PRDM16: variants seen among roughly 807,000 people sequenced by gnomAD.
The protein encoded by PRDM16 is PR/SET domain 16, also known as histone-lysine N-methyltransferase PRDM16.
In PRDM16, 23 loss-of-function variants were observed where a neutral mutation model predicts 110.6. The observed-to-expected ratio is 0.21, with a 90% CI of 0.15 to 0.29. PRDM16 has a LOEUF of 0.29. PRDM16 is among the 10% of genes least tolerant of loss of function. PRDM16 has a pLI of 1.00. For synonymous variants in PRDM16, 799 were observed against 781.8 expected (o/e 1.02, Z -0.37); for missense variants, 1,615 against 1,794.3 (o/e 0.90, Z 1.81).
chr1:3,149,001 C>T (rs1216419796), intron 1 of PRDM16, among the ~76,000 whole-genome samples: 1 of 152,190 alleles, frequency 6.6e-6, no homozygotes, highest in Non-Finnish European at 1.5e-5. Flanking sequence ...CCCAGGGGCC[C>T]TCCGGCTTTG....
intron 8 of PRDM16, among the ~76,000 whole-genome samples, chr1:3,406,150 TA>T (rs1643558326): frequency 1.3e-5 from 2 of 152,240 alleles, no homozygotes; most frequent in South Asian, 4.1e-4. Flanking sequence ...CAGCCCTGAA[TA>T]AAAGACCAGC....
At chr1:3,220,051 C>G (rs943510702) in intron 2 of PRDM16, among the ~76,000 whole-genome samples, 10 of 152,314 alleles carry the variant, frequency 6.6e-5, no homozygotes, top group African/African-American at 2.4e-4. Flanking sequence ...AGTAAAAGCC[C>G]CCGAGTGGGC....
At chr1:3,225,569 T>C (rs556468558) in intron 2 of PRDM16, among the ~76,000 whole-genome samples, 5,625 of 121,702 alleles carry the variant, frequency 0.046, 326 homozygotes, top group African/African-American at 0.18. Context: ...TGTGTGTGTG[T>C]GTGTGCGCGC....
intron 8 of PRDM16, among the ~76,000 whole-genome samples, chr1:3,408,975 G>A: frequency 6.6e-6 from 1 of 151,224 alleles, no homozygotes; most frequent in Non-Finnish European, 1.5e-5. Context: ...GCATGTGTTG[G>A]CACGTGTGAG....
rs372578303 is a variant in PRDM16 at position 3,412,015 on chromosome 1, C to T, written c.1818C>T (p.Asp606=). ...SDMSDGSDFE[D]VNTTTGTDLD... ...TGTCGGACGGCAGTGACTTTGAGGA[C>T]GTCAACACCACCACGGGGACCGACC... is the stretch of plus-strand genomic sequence containing the variant. The change falls in exon 9 of 17, where the codon GAC becomes GAT. Residue 606 remains aspartate (D), a synonymous_variant. Coordinates refer to ENST00000270722, the MANE Select transcript of PRDM16 (RefSeq NM_022114.4). 18 of 1,613,452 alleles carry T rather than the reference C, an allele frequency of 1.1e-5. No individual in the cohort carries two copies. Among genetic ancestry groups the T allele is most frequent in the Admixed American group, 3.3e-5 (2 of 60,002 alleles).
At position 3,244,852 on chromosome 1, in the gene PRDM16, ACTC is replaced by A. The variant is rs1160615029; in HGVS notation, c.438+719_438+721del. On this transcript the variant is annotated intron_variant, in intron 3 of 16. Transcript: ENST00000270722. The surrounding 1 kb of genome is among the most constrained non-coding windows in gnomAD (Gnocchi z 4.1). ...ACCTAGAACCTGTTCAGCAGCCAGAACTCCTCTTCGACGGGATATGCATTGCCT... is the reference window on the plus strand; with the variant it reads ...ACCTAGAACCTGTTCAGCAGCCAGAACTCTTCGACGGGATATGCATTGCCT... 3.3e-5 allele frequency among the ~76,000 whole-genome samples: 5 copies of A among 151,830 alleles called. No homozygotes were observed. The South Asian group carries it at 1.0e-3, about 32-fold the overall frequency.
At chr1:3,388,396 G>A (rs1036033410) in intron 4 of PRDM16, among the ~76,000 whole-genome samples, 1 of 152,094 alleles carries the variant, frequency 6.6e-6, no homozygotes, top group Non-Finnish European at 1.5e-5. Flanking sequence ...CTGAACATCC[G>A]AGCTCCGTAA....
Position 3,414,616 on chromosome 1 carries a change from T to C in PRDM16, c.2660T>C (p.Leu887Pro), listed in dbSNP as rs202115331. 1.2e-6 allele frequency: 2 copies of C among 1,613,358 alleles called. No homozygotes were observed. The highest frequency in any genetic ancestry group is 3.3e-4 in the Middle Eastern group (2 of 6,058). The change falls in exon 10 of 17, where the codon CTG becomes CCG. Residue 887 changes from leucine to proline, a missense_variant. Around this residue, in one of 5 missense-constraint regions of PRDM16, gnomAD observed 772 missense variants for 748.3 expected, o/e 1.03. Coordinates refer to ENST00000270722, the MANE Select transcript of PRDM16 (RefSeq NM_022114.4). ...GTGGGAGCCCTGAAGGAGAAGTACC[T>C]GCGGCCGTCCCCGCTGCTCTTCCAC... ...DPVGALKEKYLRPSPLLFHPQ... is the reference protein window; with the variant it reads ...DPVGALKEKYPRPSPLLFHPQ...
chr1:3,414,510 G>T (rs751821872), intron 9 of PRDM16, 50 bp from the exon 10 acceptor site: 3 of 1,444,992 alleles, frequency 2.1e-6, no homozygotes, highest in Non-Finnish European at 2.9e-6. Context: ...GGGTGGCTCG[G>T]CGGGGCGGGC....
At chr1:3,188,348 A>G (rs1052983401) in intron 2 of PRDM16, among the ~76,000 whole-genome samples, 3 of 151,498 alleles carry the variant, frequency 2.0e-5, no homozygotes, top group African/African-American at 7.3e-5. Flanking sequence ...GTTCTTGTCT[A>G]CTCTGATACA....
intron 3 of PRDM16, among the ~76,000 whole-genome samples, chr1:3,347,831 G>A (rs1642393098): frequency 1.3e-5 from 2 of 152,342 alleles, no homozygotes; most frequent in East Asian, 1.9e-4. Flanking sequence ...AACAGGAAGG[G>A]CAGCCACCTG....
chr1:3,222,741 C>A (rs891775626), intron 2 of PRDM16, among the ~76,000 whole-genome samples: 4 of 152,252 alleles, frequency 2.6e-5, no homozygotes, highest in Admixed American at 2.6e-4. Flanking sequence ...GGGCGAGGAC[C>A]AGCATCCCCA....
rs550092737 is a variant in PRDM16 at position 3,385,013 on chromosome 1, G to A, written c.439-139G>A. ...TGGGCTGGGAGCCCCGCTGATGCCC[G>A]GAGGGTGGGCTGAGGTCTGGACGCC... On this transcript the variant is annotated intron_variant, in intron 3 of 16. Coordinates refer to ENST00000270722, the MANE Select transcript of PRDM16 (RefSeq NM_022114.4). 3.2e-5 allele frequency: 33 copies of A among 1,031,258 alleles called. 1 individual carries two copies. The highest frequency in any genetic ancestry group is 2.8e-4 in the South Asian group (19 of 68,586). The allele number at this position is 1,031,258 out of a possible 1,614,324, so 63.9% of individuals were successfully genotyped here. A position where few individuals can be genotyped will look rare whatever the true frequency, so the allele number is the denominator to read the frequency against.
intron 3 of PRDM16, among the ~76,000 whole-genome samples, chr1:3,285,768 G>GC (rs892646736): frequency 5.3e-5 from 8 of 152,052 alleles, no homozygotes; most frequent in Non-Finnish European, 1.0e-4. Context: ...GCAGAGGAAA[G>GC]CCCCCCCACC....
At chr1:3,133,071 G>A (rs1454061703) in intron 1 of PRDM16, 2 of 152,406 alleles carry the variant, frequency 1.3e-5, no homozygotes, top group East Asian at 3.9e-4. Context: ...CTCTGACTGG[G>A]TGGTGGTCAC....
At chr1:3,164,576 A>G (rs1569732696) in intron 1 of PRDM16, among the ~76,000 whole-genome samples, 1 of 152,204 alleles carries the variant, frequency 6.6e-6, no homozygotes. Flanking sequence ...GCGGACAGAA[A>G]ACTTTCCCGG....
At chr1:3,283,522 C>T (rs1031209397) in intron 3 of PRDM16, among the ~76,000 whole-genome samples, 2 of 152,168 alleles carry the variant, frequency 1.3e-5, no homozygotes, top group Non-Finnish European at 2.9e-5. Context: ...CCCCTAGGTC[C>T]ACAGCAGAGA....
chr1:3,104,731 C>T (rs558150599), intron 1 of PRDM16, among the ~76,000 whole-genome samples: 1 of 152,274 alleles, frequency 6.6e-6, no homozygotes, highest in East Asian at 1.9e-4. Context: ...TTGGAGCCCC[C>T]ACCTCCCCAC....
chr1:3,374,067 G>A (rs993647695), intron 3 of PRDM16, among the ~76,000 whole-genome samples: 3 of 152,224 alleles, frequency 2.0e-5, no homozygotes, highest in Non-Finnish European at 4.4e-5. Context: ...ATACCCTCCT[G>A]GAGGGAGTGT....
Sources: allele counts gnomAD v4.1 joint callset (sites outside exome capture counted in the v4.1 genomes callset), GRCh38; gene constraint gnomAD v4.1.1; regional missense constraint gnomAD v4.1.1; non-coding constraint Gnocchi (gnomAD v3.1); transcripts MANE v1.5; gene names NCBI Gene and HGNC (gene_info 2026-07-23, HGNC 2026-07-21).